Variants in MMP17 observed in about 807,000 individuals in gnomAD.
MMP17 encodes the protein matrix metallopeptidase 17.
A neutral mutation model predicts 49.1 loss-of-function variants in MMP17; 54 were observed. The observed-to-expected ratio is 1.10, with a 90% CI of 0.88 to 1.38. The LOEUF (loss-of-function observed/expected upper bound fraction) is 1.38. MMP17 is among the 40% of genes most tolerant of loss of function. The pLI is 0.00. For synonymous variants in MMP17, 397 were observed against 383.1 expected, an observed-to-expected ratio of 1.04 and a Z score of -0.42; for missense variants, 837 against 853.7, an observed-to-expected ratio of 0.98 and a Z score of 0.24.
chr12:131,835,931 G>A (rs1348231578), intron 1 of MMP17, among the ~76,000 whole-genome samples: 14 of 152,236 alleles, frequency 9.2e-5, no homozygotes, highest in Non-Finnish European at 1.9e-4. Context: ...GCAGGTGCAA[G>A]GTAGTGTGGG....
At chr12:131,838,365 C>G in intron 2 of MMP17, 38 bp downstream of exon 2, 1 of 1,605,814 alleles carries the variant, frequency 6.2e-7, no homozygotes, top group Non-Finnish European at 8.5e-7. Flanking sequence ...GCCGTGGCCC[C>G]CGTCAGGTCT....
chr12:131,836,254 C>A (rs1369275430), intron 1 of MMP17, among the ~76,000 whole-genome samples: 1 of 152,126 alleles, frequency 6.6e-6, no homozygotes. Flanking sequence ...TCGGGGTGTG[C>A]AGATCCCATG....
At position 131,845,711 on chromosome 12, in the gene MMP17, C is replaced by T. The variant is rs559629616; in HGVS notation, c.1204+262C>T. On this transcript the variant is annotated intron_variant, in intron 8 of 9. Transcript: ENST00000360564. ...CGTTCTAGTCAGGCCACAGTCCACC[C>T]GCAAGTCAGGAGGAGCTGATGCCAG... Among the ~76,000 whole-genome samples the T allele has an allele frequency of 7.2e-5, 11 of 152,270 alleles. No individual in the cohort carries two copies. In the East Asian group the frequency reaches 1.7e-3, roughly 24 times the overall value.
chr12:131,850,709 A>G (rs1030123409), intron 9 of MMP17, among the ~76,000 whole-genome samples: 4 of 151,958 alleles, frequency 2.6e-5, no homozygotes, highest in African/African-American at 4.8e-5. Context: ...CTCAGATATT[A>G]TCTGGGCACC....
chr12:131,831,216 G>T (rs761732360), intron 1 of MMP17, among the ~76,000 whole-genome samples: 1 of 152,268 alleles, frequency 6.6e-6, no homozygotes, highest in African/African-American at 2.4e-5. Flanking sequence ...CTGGGTGGCA[G>T]TTGTGTGGTG....
At chr12:131,833,934 C>T (rs112964081) in intron 1 of MMP17, among the ~76,000 whole-genome samples, 20 of 152,360 alleles carry the variant, frequency 1.3e-4, no homozygotes, top group African/African-American at 4.3e-4. Context: ...CCCTAAAAAC[C>T]GTCAAAGGGA....
intron 8 of MMP17, 123 bp from the exon 9 acceptor site, chr12:131,849,679 C>A: frequency 1.8e-6 from 2 of 1,088,746 alleles, no homozygotes; most frequent in Non-Finnish European, 2.7e-6. Flanking sequence ...TGGCCGCTGT[C>A]CCATCAAGCC....
intron 8 of MMP17, among the ~76,000 whole-genome samples, chr12:131,848,147 G>A (rs954535559): frequency 2.6e-5 from 4 of 152,168 alleles, no homozygotes; most frequent in Admixed American, 6.5e-5. Context: ...GTGCAGTGGT[G>A]TGATCTCAGC....
At chr12:131,845,067 C>T (rs527697623) in intron 6 of MMP17, 51 bp from the exon 7 acceptor site, 2 of 1,485,590 alleles carry the variant, frequency 1.3e-6, no homozygotes, top group Admixed American at 1.7e-5. Flanking sequence ...GATGCCCTGT[C>T]CCGCGCTGCC....
chr12:131,836,755 C>T (rs1183124893), intron 1 of MMP17, among the ~76,000 whole-genome samples: 1 of 152,118 alleles, frequency 6.6e-6, no homozygotes, highest in Non-Finnish European at 1.5e-5. Context: ...TGGAGCCCGC[C>T]TCACCCCTGC....
Position 131,841,775 on chromosome 12 carries a change from C to A in MMP17, c.858C>A (p.Asp286Glu), listed in dbSNP as rs1400812302. The A allele has an allele frequency of 1.2e-6, 2 of 1,607,552 alleles. No individual in the cohort carries two copies. The highest frequency in any genetic ancestry group is 1.8e-4 in the Middle Eastern group (1 of 5,440). Reference protein sequence around the residue: ...DPLRYGLPYEDKVRVWQLYGV... With the variant: ...DPLRYGLPYEEKVRVWQLYGV... ...TGCGCTACGGGCTCCCCTACGAGGA[C>A]AAGGTGCGCGTCTGGCAGCTGTACG... Residue 286 changes from aspartate to glutamate, a missense_variant, in exon 5 of 10, where the codon GAC becomes GAA. Physicochemically the swap from Asp to Glu is conservative, Grantham distance 45. Transcript: ENST00000360564.
rs113731511 is a variant in MMP17 at position 131,844,801 on chromosome 12, G to A, written c.969-317G>A. 1.4e-4 allele frequency: 54 copies of A among 380,558 alleles called. 1 individual carries two copies. The highest frequency in any genetic ancestry group is 7.5e-4 in the Middle Eastern group (1 of 1,328). 23.6% of individuals were successfully genotyped at this position (380,558 alleles called of 1,614,324 possible). On this transcript the variant is annotated intron_variant, in intron 6 of 9. Coordinates refer to ENST00000360564, the MANE Select transcript of MMP17 (RefSeq NM_016155.7). ...AGGCCCGGGCTTGGGGTCCCGTGGC[G>A]TGGGGTCCCGTGGCGTGGGTGTTTG...
intron 8 of MMP17, among the ~76,000 whole-genome samples, chr12:131,848,511 C>T (rs556518286): frequency 4.7e-4 from 72 of 152,314 alleles, no homozygotes; most frequent in Non-Finnish European, 9.3e-4. Context: ...CTGCGTCCAC[C>T]TCCCGAAGAT....
intron 9 of MMP17, 58 bp downstream of exon 9, chr12:131,850,117 G>C: frequency 6.5e-7 from 1 of 1,530,664 alleles, no homozygotes. Context: ...CAGGAGAGGG[G>C]CATCACTACA....
rs529657115 is a variant in MMP17 at position 131,846,676 on chromosome 12, G to A, written c.1204+1227G>A. On this transcript the variant is annotated intron_variant, in intron 8 of 9. Coordinates refer to ENST00000360564, the MANE Select transcript of MMP17 (RefSeq NM_016155.7). This position sits in a 1 kb window ranked among gnomAD's most constrained non-coding sequence, Gnocchi z 4.6. ...AGATGTGAGCCACTGCACCCGGCCT[G>A]CCTAATCCCATCTTAACTCATCTTA... 3.9e-5 allele frequency among the ~76,000 whole-genome samples: 6 copies of A among 152,236 alleles called. No homozygotes were observed. In the East Asian group the frequency reaches 9.7e-4, roughly 25 times the overall value.
At chr12:131,841,042 T>C (rs958235904) in intron 4 of MMP17, among the ~76,000 whole-genome samples, 186 bp downstream of exon 4, 1 of 152,254 alleles carries the variant, frequency 6.6e-6, no homozygotes, top group African/African-American at 2.4e-5. Flanking sequence ...CTGACCTCGC[T>C]GGGTGCTGGC....
intron 8 of MMP17, among the ~76,000 whole-genome samples, chr12:131,847,385 C>A (rs1486542854): frequency 4.0e-5 from 6 of 150,688 alleles, no homozygotes; most frequent in Non-Finnish European, 7.4e-5. Context: ...TGGACTCCAG[C>A]CTGGGTGACA....
chr12:131,833,599 A>T (rs1473082108), intron 1 of MMP17, among the ~76,000 whole-genome samples: 1 of 152,234 alleles, frequency 6.6e-6, no homozygotes, highest in Admixed American at 6.5e-5. Flanking sequence ...CCACAGCTCC[A>T]TCACTGACCG....
Position 131,846,173 on chromosome 12 carries a change from G to A in MMP17, c.1204+724G>A, listed in dbSNP as rs12099648. Among the ~76,000 whole-genome samples, 36,036 of 152,026 alleles carry A rather than the reference G, an allele frequency of 0.24. 5,103 individuals carry two copies. The highest frequency in any genetic ancestry group is 0.68 in the East Asian group (3,494 of 5,152). On this transcript the variant is annotated intron_variant, in intron 8 of 9. Transcript: ENST00000360564. This position sits in a 1 kb window ranked among gnomAD's most constrained non-coding sequence, Gnocchi z 4.6. Reference sequence around the variant, plus strand: ...GTTTCCCTCACAGTCTGGAGGCCACGAGTCCGAAATCAAGGGCTAGGCAGG... The same window carrying A: ...GTTTCCCTCACAGTCTGGAGGCCACAAGTCCGAAATCAAGGGCTAGGCAGG...
Sources: gnomAD v4.1 joint callset for allele counts (sites outside exome capture counted in the v4.1 genomes callset) on GRCh38, gnomAD v4.1.1 for gene constraint, Gnocchi (gnomAD v3.1) non-coding constraint, MANE v1.5 for transcripts, NCBI Gene and HGNC (gene_info 2026-07-23, HGNC 2026-07-21) for gene names.